LARGE1: variants seen among roughly 807,000 people sequenced by gnomAD.
LARGE1 encodes LARGE xylosyl- and glucuronyltransferase 1.
A neutral mutation model predicts 87.6 loss-of-function variants in LARGE1; 43 were observed. The observed-to-expected ratio is 0.49, with a 90% CI of 0.38 to 0.63. The LOEUF (loss-of-function observed/expected upper bound fraction) is 0.63, where lower values mean the gene tolerates loss of function less well. Among genes scored for constraint, LARGE1 ranks in the 30% least tolerant of loss-of-function variants. The probability of loss-of-function intolerance (pLI) is 0.00; values close to 1 mark genes in which losing one functional copy is unlikely to be tolerated. For synonymous variants in LARGE1, 434 were observed against 394.6 expected (o/e 1.10, Z -1.18); for missense variants, 802 against 1,000.2 (o/e 0.80, Z 2.67).
At chr22:33,845,234 A>T (rs2063395394) in intron 1 of LARGE1, among the ~76,000 whole-genome samples, 1 of 152,224 alleles carries the variant, frequency 6.6e-6, no homozygotes, top group Non-Finnish European at 1.5e-5. Flanking sequence ...TTAGGGAACT[A>T]GATCATCTTT....
intron 1 of LARGE1, among the ~76,000 whole-genome samples, chr22:33,811,797 G>A (rs945869719): frequency 1.3e-5 from 2 of 152,212 alleles, no homozygotes; most frequent in African/African-American, 4.8e-5. Flanking sequence ...CATTCTGGCA[G>A]TATAAGAATG....
chr22:33,895,887 G>C (rs1448077285), intron 1 of LARGE1, among the ~76,000 whole-genome samples: 3 of 152,200 alleles, frequency 2.0e-5, no homozygotes, highest in Non-Finnish European at 2.9e-5. Context: ...GGCCAACTTA[G>C]AGTCTGCCTG....
intron 9 of LARGE1, among the ~76,000 whole-genome samples, chr22:33,365,824 C>T (rs2064566543): frequency 6.6e-6 from 1 of 152,124 alleles, no homozygotes; most frequent in Non-Finnish European, 1.5e-5. Flanking sequence ...ACATGTTGGC[C>T]AGGCTGGTAT....
chr22:33,515,375 A>G lies in LARGE1; in HGVS notation c.787+49473T>C, dbSNP rs1242096251. 2.0e-5 allele frequency among the ~76,000 whole-genome samples: 3 copies of G among 152,212 alleles called. No individual in the cohort carries two copies. In the East Asian group the frequency reaches 5.8e-4, roughly 29 times the overall value. ...CAAATCTATCCATGACAAACTGTTC[A>G]TCCCTGCAGACATCACATCCATGAA... On this transcript the variant is annotated intron_variant, in intron 6 of 14. Transcript: ENST00000397394.
At chr22:33,393,209 A>G (rs539964678) in intron 7 of LARGE1, among the ~76,000 whole-genome samples, 1 of 152,370 alleles carries the variant, frequency 6.6e-6, no homozygotes, top group East Asian at 1.9e-4. Flanking sequence ...GTTTGCACTC[A>G]GGTCATAAAA....
intron 6 of LARGE1, among the ~76,000 whole-genome samples, chr22:33,494,873 AAATCTGG>A (rs1244752404): frequency 1.3e-5 from 2 of 152,170 alleles, no homozygotes; most frequent in Admixed American, 1.3e-4. Context: ...ATCACAGGGC[AAATCTGG>A]GAGAGGGCAG....
At chr22:33,672,165 C>T (rs997457279) in intron 2 of LARGE1, among the ~76,000 whole-genome samples, 1 of 152,126 alleles carries the variant, frequency 6.6e-6, no homozygotes, top group African/African-American at 2.4e-5. Context: ...GTTATAAAGC[C>T]TGTCCCAGAT....
chr22:33,719,695 T>A (rs1434549416), intron 2 of LARGE1, among the ~76,000 whole-genome samples: 2 of 152,010 alleles, frequency 1.3e-5, no homozygotes, highest in Non-Finnish European at 2.9e-5. Context: ...TAATTTTTTA[T>A]ATTTTTAGTA....
At chr22:33,392,532 G>A (rs373952963) in intron 7 of LARGE1, among the ~76,000 whole-genome samples, 22 of 152,200 alleles carry the variant, frequency 1.4e-4, no homozygotes, top group African/African-American at 4.6e-4. Flanking sequence ...GGTGGTGGGT[G>A]CCTGTAATCA....
At chr22:33,577,735 C>A (rs924087452) in intron 5 of LARGE1, among the ~76,000 whole-genome samples, 1 of 152,236 alleles carries the variant, frequency 6.6e-6, no homozygotes, top group African/African-American at 2.4e-5. Context: ...CGGAGATACA[C>A]CTTGCAGGTG....
chr22:33,373,928 C>T (rs919659594), intron 9 of LARGE1, among the ~76,000 whole-genome samples: 7 of 145,336 alleles, frequency 4.8e-5, no homozygotes, highest in South Asian at 2.2e-4. Flanking sequence ...CAGCCGATAT[C>T]GCGCCATTGC....
At chr22:33,766,502 T>G (rs1418280058) in intron 1 of LARGE1, among the ~76,000 whole-genome samples, 1 of 152,204 alleles carries the variant, frequency 6.6e-6, no homozygotes, top group Non-Finnish European at 1.5e-5. Flanking sequence ...CTTGGCTCAC[T>G]GCAACCTCCG....
At chr22:33,589,367 C>T (rs1389040514) in intron 5 of LARGE1, among the ~76,000 whole-genome samples, 1 of 152,068 alleles carries the variant, frequency 6.6e-6, no homozygotes, top group Non-Finnish European at 1.5e-5. Flanking sequence ...ATTTTGATTA[C>T]CATTTTGCAA....
intron 6 of LARGE1, among the ~76,000 whole-genome samples, chr22:33,497,618 C>T (rs2148339114): frequency 6.6e-6 from 1 of 152,224 alleles, no homozygotes; most frequent in East Asian, 1.9e-4. Flanking sequence ...TTCGATGTGA[C>T]AAAACATACA....
intron 11 of LARGE1, among the ~76,000 whole-genome samples, chr22:33,207,647 G>A (rs1239959807): frequency 6.6e-6 from 1 of 152,016 alleles, no homozygotes; most frequent in Non-Finnish European, 1.5e-5. Flanking sequence ...TGAGAGCGTC[G>A]GCGACCCCAT....
chr22:33,648,921 A>G (rs1455747382), intron 3 of LARGE1, among the ~76,000 whole-genome samples: 4 of 152,250 alleles, frequency 2.6e-5, no homozygotes, highest in Non-Finnish European at 5.9e-5. Flanking sequence ...GATACAAAAC[A>G]CGAGTGCAAT....
At chr22:33,715,080 G>A (rs1232451970) in intron 2 of LARGE1, among the ~76,000 whole-genome samples, 1 of 152,162 alleles carries the variant, frequency 6.6e-6, no homozygotes, top group Non-Finnish European at 1.5e-5. Context: ...TCCTACCTTT[G>A]CATGAGAAGC....
chr22:33,139,846 CTTTG>C, the LARGE1 span, among the ~76,000 whole-genome samples: 1 of 152,286 alleles, frequency 6.6e-6, no homozygotes, highest in Non-Finnish European at 1.5e-5. Flanking sequence ...AAGAAATGAC[CTTTG>C]TTTGTGGTCA....
intron 11 of LARGE1, among the ~76,000 whole-genome samples, chr22:33,206,447 CCTTA>C (rs1351484480): frequency 6.6e-6 from 1 of 152,102 alleles, no homozygotes. Context: ...TTCCCTCCTG[CCTTA>C]CTTACCTACA....
Sources: gnomAD v4.1 joint callset for allele counts (sites outside exome capture counted in the v4.1 genomes callset) on GRCh38, gnomAD v4.1.1 for gene constraint, MANE v1.5 for transcripts, NCBI Gene and HGNC (gene_info 2026-07-23, HGNC 2026-07-21) for gene names.